NELL1: variants seen among roughly 807,000 people sequenced by gnomAD.
NELL1 encodes neural EGFL like 1, also known as protein kinase C-binding protein NELL1.
Under a neutral mutation model 107.4 loss-of-function variants are expected in NELL1, and 76 were observed. The observed-to-expected ratio is 0.71, with a 90% CI of 0.59 to 0.86. The LOEUF (loss-of-function observed/expected upper bound fraction) is 0.86, where lower values mean the gene tolerates loss of function less well. Ranked by LOEUF, NELL1 falls within the 40% of genes least tolerant of loss-of-function variation. The probability of loss-of-function intolerance (pLI) is 0.00; values close to 1 mark genes in which losing one functional copy is unlikely to be tolerated. For missense variants in NELL1, 1,024 were observed against 1,005.5 expected (o/e 1.02, Z -0.25); for synonymous variants, 353 against 341.2 (o/e 1.03, Z -0.38).
At chr11:21,569,451 AGAATATGATGAT>A (rs1857049566) in intron 17 of NELL1, among the ~76,000 whole-genome samples, 1 of 142,980 alleles carries the variant, frequency 7.0e-6, no homozygotes, top group African/African-American at 2.6e-5. Flanking sequence ...AATACATGGT[AGAATATGATGAT>A]GATGATGATG....
intron 2 of NELL1, among the ~76,000 whole-genome samples, chr11:20,755,864 GGTTTTTTTTTTTTTTTTTTT>G (rs1856267627): frequency 1.3e-4 from 14 of 110,792 alleles, no homozygotes; most frequent in Admixed American, 6.6e-4. Context: ...CCAGACCTGC[GGTTTTTTTTTTTTTTTTTTT>G]TTTTTTTTTT....
intron 2 of NELL1, among the ~76,000 whole-genome samples, chr11:20,738,340 G>A (rs1424549079): frequency 1.3e-5 from 2 of 152,138 alleles, no homozygotes; most frequent in Non-Finnish European, 2.9e-5. Context: ...GGACTGAGTG[G>A]ATGAATGGAA....
At chr11:21,279,415 G>A in intron 14 of NELL1, among the ~76,000 whole-genome samples, 1 of 152,136 alleles carries the variant, frequency 6.6e-6, no homozygotes, top group Non-Finnish European at 1.5e-5. Flanking sequence ...TCTTTAAACT[G>A]ACAAAAAGCA....
At chr11:20,982,936 T>G (rs759754547) in intron 12 of NELL1, among the ~76,000 whole-genome samples, 10 of 152,218 alleles carry the variant, frequency 6.6e-5, no homozygotes, top group Non-Finnish European at 1.3e-4. Context: ...TTGGTAAATA[T>G]TTTTCAGATA....
At position 21,232,179 on chromosome 11, in the gene NELL1, A is replaced by ATATATATATATATAT. The variant is rs1565122814; in HGVS notation, c.1549+2725_1549+2726insTATATATATATATAT. Among the ~76,000 whole-genome samples, 26 of 111,514 alleles carry ATATATATATATATAT rather than the reference A, an allele frequency of 2.3e-4. 1 individual carries two copies. The highest frequency in any genetic ancestry group is 4.8e-3 in the Middle Eastern group (1 of 210). 73.2% of individuals were successfully genotyped at this position (111,514 alleles called of 152,430 possible). ...AAAAAAATATATATATATATATATA[A>ATATATATATATATAT]ATTAGCTGGGCGTGGTGGTGTCCAC... On this transcript the variant is annotated intron_variant, in intron 14 of 19. Transcript: ENST00000357134.
intron 14 of NELL1, among the ~76,000 whole-genome samples, chr11:21,315,894 T>TGA (rs1565163866): frequency 1.6e-4 from 4 of 25,154 alleles, no homozygotes; most frequent in African/African-American, 6.6e-4. Flanking sequence ...GGTGTGAGTG[T>TGA]GTGTGTGTGT....
intron 5 of NELL1, among the ~76,000 whole-genome samples, chr11:20,915,809 A>G (rs1025884016): frequency 1.1e-4 from 16 of 148,036 alleles, no homozygotes; most frequent in Admixed American, 1.0e-3. Flanking sequence ...TTTATGAAGG[A>G]AACTACATGC....
intron 12 of NELL1, among the ~76,000 whole-genome samples, chr11:21,002,132 G>T (rs1013567929): frequency 6.6e-6 from 1 of 152,136 alleles, no homozygotes; most frequent in African/African-American, 2.4e-5. Context: ...GATTCAAGCA[G>T]TGTACCTCTA....
In NELL1 at chr11:21,150,526, T is replaced by C. The variant is rs190676102; in HGVS notation, c.1426+36812T>C. On this transcript the variant is annotated intron_variant, in intron 13 of 19. Transcript: ENST00000357134. ...ACTGGTAATGTGAAGGCAGTGGGGG[T>C]GGGTGAGCCCTGACTGTTACTTTTG... is the stretch of plus-strand genomic sequence containing the variant. Among the ~76,000 whole-genome samples the C allele has an allele frequency of 6.5e-3, 984 of 152,174 alleles. 12 individuals carry two copies. Among genetic ancestry groups the C allele is most frequent in the African/African-American group, 0.02 (839 of 41,528 alleles).
chr11:21,273,484 G>A (rs2602956), intron 14 of NELL1, among the ~76,000 whole-genome samples: 137,377 of 152,222 alleles, frequency 0.9, 62,137 homozygotes, highest in Non-Finnish European at 0.93. Context: ...ACTTTGCAGG[G>A]TATTATCCAG....
At chr11:21,431,036 A>G (rs555928980) in intron 15 of NELL1, among the ~76,000 whole-genome samples, 2 of 152,302 alleles carry the variant, frequency 1.3e-5, no homozygotes, top group Non-Finnish European at 2.9e-5. Flanking sequence ...CCAATTCAAA[A>G]CACGTCTAAC....
intron 3 of NELL1, among the ~76,000 whole-genome samples, chr11:20,830,242 G>A (rs114380305): frequency 0.011 from 1,598 of 150,980 alleles, 25 homozygotes; most frequent in African/African-American, 0.037. Flanking sequence ...TGGTGACAGA[G>A]TGAGACACCA....
At chr11:21,351,914 A>G (rs1333844672) in intron 14 of NELL1, among the ~76,000 whole-genome samples, 1 of 152,172 alleles carries the variant, frequency 6.6e-6, no homozygotes. Context: ...ACAATAAAAT[A>G]AAGTCTTTAA....
At chr11:20,811,858 A>T (rs1204453361) in intron 3 of NELL1, among the ~76,000 whole-genome samples, 1 of 152,118 alleles carries the variant, frequency 6.6e-6, no homozygotes, top group Admixed American at 6.5e-5. Flanking sequence ...TATATAATAT[A>T]TATAAAATTA....
intron 13 of NELL1, among the ~76,000 whole-genome samples, chr11:21,147,943 G>A (rs1045930069): frequency 6.6e-6 from 1 of 151,662 alleles, no homozygotes; most frequent in Non-Finnish European, 1.5e-5. Context: ...ATTAGCAGAG[G>A]TACCCTAATG....
At chr11:21,118,232 G>T (rs1383376707) in intron 13 of NELL1, among the ~76,000 whole-genome samples, 1 of 152,014 alleles carries the variant, frequency 6.6e-6, no homozygotes, top group Non-Finnish European at 1.5e-5. Context: ...ATGGGGGGCT[G>T]TGGGAATTGA....
intron 3 of NELL1, among the ~76,000 whole-genome samples, chr11:20,797,527 C>T (rs1857195363): frequency 7.7e-6 from 1 of 130,154 alleles, no homozygotes; most frequent in Admixed American, 9.5e-5. Context: ...GATCGCGGCA[C>T]TGCACTCCAG....
intron 15 of NELL1, among the ~76,000 whole-genome samples, chr11:21,465,316 T>G (rs1854000452): frequency 6.6e-6 from 1 of 152,020 alleles, no homozygotes; most frequent in Admixed American, 6.6e-5. Context: ...AATTATGAGC[T>G]TTGCACAAAG....
chr11:21,458,486 C>A lies in NELL1; in HGVS notation c.1646-75888C>A, dbSNP rs375266915. 2.7e-3 allele frequency among the ~76,000 whole-genome samples: 413 copies of A among 152,020 alleles called. 4 individuals carry two copies. Among genetic ancestry groups the A allele is most frequent in the African/African-American group, 9.8e-3 (408 of 41,492 alleles). Reference sequence around the variant, plus strand: ...ATCTTTATGCTGAACAAAGAAGGCACAATTAAATAAATTATGGTGTATTCA... The same window carrying A: ...ATCTTTATGCTGAACAAAGAAGGCAAAATTAAATAAATTATGGTGTATTCA... On this transcript the variant is annotated intron_variant, in intron 15 of 19. Transcript: ENST00000357134.
Sources: gnomAD v4.1 joint callset for allele counts (sites outside exome capture counted in the v4.1 genomes callset) on GRCh38, gnomAD v4.1.1 for gene constraint, MANE v1.5 for transcripts, NCBI Gene and HGNC (gene_info 2026-07-23, HGNC 2026-07-21) for gene names.